Variants in SEL1L3 observed in about 807,000 individuals in gnomAD.
The protein encoded by SEL1L3 is protein sel-1 homolog 3.
A neutral mutation model predicts 142.8 loss-of-function variants in SEL1L3; 76 were observed. The ratio of observed to expected loss-of-function variants is 0.53; its 90% confidence interval spans 0.44 to 0.64. The LOEUF (loss-of-function observed/expected upper bound fraction) is 0.64, where lower values mean the gene tolerates loss of function less well. SEL1L3 is among the 30% of genes least tolerant of loss of function. The pLI is 0.00. For missense variants in SEL1L3, 1,262 were observed against 1,381.7 expected (o/e 0.91, Z 1.37); for synonymous variants, 504 against 519.6 (o/e 0.97, Z 0.41).
chr4:25,776,576 T>C (rs754807618), intron 16 of SEL1L3: 22 of 512,224 alleles, frequency 4.3e-5, no homozygotes, highest in South Asian at 1.4e-4. Flanking sequence ...GAGTTGTCTT[T>C]TATGGAAACA....
chr4:25,791,521 A>G (rs1256533884), intron 11 of SEL1L3, among the ~76,000 whole-genome samples: 6 of 152,182 alleles, frequency 3.9e-5, no homozygotes, highest in African/African-American at 1.4e-4. Context: ...CATAAGGGGG[A>G]TACTAGAGAG....
chr4:25,789,425 T>A (rs1306523795), intron 12 of SEL1L3, among the ~76,000 whole-genome samples: 1 of 151,600 alleles, frequency 6.6e-6, no homozygotes, highest in East Asian at 1.9e-4. Context: ...ACAAAAAAAT[T>A]AAAAATTAGC....
intron 23 of SEL1L3, among the ~76,000 whole-genome samples, chr4:25,754,873 T>C (rs1447597590): frequency 6.6e-6 from 1 of 152,196 alleles, no homozygotes; most frequent in East Asian, 1.9e-4. Context: ...TTTATATTGC[T>C]GTTAGGGCCC....
chr4:25,817,172 A>G (rs1377146448), intron 9 of SEL1L3, among the ~76,000 whole-genome samples: 2 of 152,210 alleles, frequency 1.3e-5, no homozygotes, highest in Non-Finnish European at 1.5e-5. Context: ...TCTTTGCAGG[A>G]TGGTCACTAT....
chr4:25,787,679 A>T (rs1234179174), intron 13 of SEL1L3, among the ~76,000 whole-genome samples: 1 of 152,116 alleles, frequency 6.6e-6, no homozygotes, highest in Admixed American at 6.5e-5. Context: ...TGGTCCTATT[A>T]TCTCACTCAA....
chr4:25,808,232 C>T (rs1427616826), intron 9 of SEL1L3, among the ~76,000 whole-genome samples: 2 of 152,082 alleles, frequency 1.3e-5, no homozygotes, highest in African/African-American at 4.8e-5. Context: ...AATGAAGAAA[C>T]AAACAAACAA....
intron 19 of SEL1L3, among the ~76,000 whole-genome samples, chr4:25,766,897 G>T (rs1163979095): frequency 6.6e-6 from 1 of 152,180 alleles, no homozygotes. Flanking sequence ...CTGGAGGCCA[G>T]TCCCCCACCA....
chr4:25,845,508 A>T (rs1050509743), intron 2 of SEL1L3, among the ~76,000 whole-genome samples: 2 of 152,180 alleles, frequency 1.3e-5, no homozygotes, highest in Non-Finnish European at 2.9e-5. Context: ...AACAAGAAAA[A>T]GTTTTGAAAA....
In SEL1L3 at chr4:25,846,391, C is replaced by T. The variant is rs1267132490; in HGVS notation, c.733+903G>A. On this transcript the variant is annotated intron_variant, in intron 2 of 23. Transcript: ENST00000399878. ...GTGCTGATGATGTGCTGAGCAATCA[C>T]ATCTCATTTAGTCCTCACAGCACTG... 5.3e-5 allele frequency among the ~76,000 whole-genome samples: 8 copies of T among 152,212 alleles called. No individual in the cohort carries two copies. In the South Asian group the frequency reaches 1.7e-3, roughly 31 times the overall value.
At chr4:25,851,719 T>A (rs1716912639) in intron 1 of SEL1L3, among the ~76,000 whole-genome samples, 1 of 151,728 alleles carries the variant, frequency 6.6e-6, no homozygotes, top group Non-Finnish European at 1.5e-5. Flanking sequence ...TGAAACCCCG[T>A]CTCTTCTAAA....
chr4:25,804,318 T>C (rs751131791), intron 10 of SEL1L3, among the ~76,000 whole-genome samples: 1 of 152,054 alleles, frequency 6.6e-6, no homozygotes, highest in Non-Finnish European at 1.5e-5. Flanking sequence ...ACACCAATCA[T>C]CCCCCCAAGG....
At chr4:25,861,470 T>C (rs1011062287) in intron 1 of SEL1L3, among the ~76,000 whole-genome samples, 1 of 152,160 alleles carries the variant, frequency 6.6e-6, no homozygotes, top group African/African-American at 2.4e-5. Flanking sequence ...ATTCAAGAAG[T>C]AAAAAACGTT....
Position 25,835,366 on chromosome 4 carries a change from A to C in SEL1L3, c.734-43T>G, listed in dbSNP as rs186541127. The stretch of plus-strand genomic sequence containing the variant: ...GCTCCCTTTCAATTATATCCAGAAA[A>C]ACATTCCTTCCCAAACCACATTCAT... On this transcript the variant is annotated intron_variant, in intron 2 of 23. Coordinates refer to ENST00000399878, the MANE Select transcript of SEL1L3 (RefSeq NM_015187.5). 170 of 1,605,822 alleles carry C rather than the reference A, an allele frequency of 1.1e-4. 1 individual carries two copies. In the African/African-American group the frequency reaches 2.0e-3, roughly 19 times the overall value.
rs1010198010 is a variant in SEL1L3 at position 25,802,100 on chromosome 4, C to T, written c.1956+183G>A. On this transcript the variant is annotated intron_variant, in intron 11 of 23. Transcript: ENST00000399878. ...TTTCATGCATAAATGTAGGGCTGCC[C>T]CTGCATTCAGCCTGAGAACACAGCC... Among the ~76,000 whole-genome samples, 8 of 152,274 alleles carry T rather than the reference C, an allele frequency of 5.3e-5. No homozygotes were observed. In the South Asian group the frequency reaches 6.2e-4, roughly 12 times the overall value.
chr4:25,856,150 T>C (rs1717238945), intron 1 of SEL1L3, among the ~76,000 whole-genome samples: 1 of 152,146 alleles, frequency 6.6e-6, no homozygotes, highest in South Asian at 2.1e-4. Flanking sequence ...ACACCAAAAA[T>C]ACAAATTAAA....
At chr4:25,826,815 C>A (rs906498582) in intron 6 of SEL1L3, among the ~76,000 whole-genome samples, 1 of 152,266 alleles carries the variant, frequency 6.6e-6, no homozygotes, top group African/African-American at 2.4e-5. Flanking sequence ...AGGTGCCCAC[C>A]ACCATGCCCG....
At chr4:25,738,468 CT>C in the SEL1L3 span, among the ~76,000 whole-genome samples, 1 of 152,168 alleles carries the variant, frequency 6.6e-6, no homozygotes, top group African/African-American at 2.4e-5. Context: ...TCAAAAATTG[CT>C]TTCATACATC....
At chr4:25,735,129 C>G in the SEL1L3 span, among the ~76,000 whole-genome samples, 1 of 151,932 alleles carries the variant, frequency 6.6e-6, no homozygotes, top group Non-Finnish European at 1.5e-5. Context: ...TTAGAATTTT[C>G]TTTTTAGGAA....
At chr4:25,736,819 G>T in the SEL1L3 span, among the ~76,000 whole-genome samples, 1 of 150,380 alleles carries the variant, frequency 6.6e-6, no homozygotes, top group South Asian at 2.1e-4. Flanking sequence ...TTTGTCATAC[G>T]TTGTTAGTGG....
Sources: allele counts gnomAD v4.1 joint callset (sites outside exome capture counted in the v4.1 genomes callset), GRCh38; gene constraint gnomAD v4.1.1; transcripts MANE v1.5; gene names NCBI Gene and HGNC (gene_info 2026-07-23, HGNC 2026-07-21).